The following GCNA variants were observed in gnomAD, a reference collection of about 807,000 sequenced individuals.
The protein encoded by GCNA is germ cell nuclear acidic protein.
In GCNA, 3 loss-of-function variants were observed where a neutral mutation model predicts 38.8. That is an observed-to-expected ratio of 0.08 (90% CI 0.04 to 0.20). The LOEUF (loss-of-function observed/expected upper bound fraction) is 0.20, where lower values mean the gene tolerates loss of function less well. GCNA is among the 10% of genes least tolerant of loss of function. The pLI, the probability that GCNA is intolerant of heterozygous loss-of-function variation, is 1.00. For synonymous variants in GCNA, 195 were observed against 240.2 expected (o/e 0.81, Z 1.74); for missense variants, 446 against 578.6 (o/e 0.77, Z 2.35).
rs1426768448 is a variant in GCNA at position 71,604,010 on chromosome X, C to T, written c.733C>T (p.Pro245Ser). Residue 245 changes from proline to serine, a missense_variant, in exon 8 of 13, where the codon CCC (proline) becomes TCC (serine). This residue lies in a region of GCNA where 28 missense variants were observed against 77.0 expected (regional missense o/e 0.36). Transcript: ENST00000373696. ...PDDSSDDSEA[P>S]DDSSDDSEAP... is the part of the protein sequence containing the mutation. ...CGACAGCAGTGATGATTCGGAAGCT[C>T]CCGACGACAGCAGTGATGATTCGGA... 1.7e-6 allele frequency: 2 copies of T among 1,202,103 alleles called. No individual in the cohort carries two copies. Among genetic ancestry groups the T allele is most frequent in the South Asian group, 1.8e-5 (1 of 56,315 alleles).
At chrX:71,584,490 C>T (rs1247679842) in intron 2 of GCNA, among the ~76,000 whole-genome samples, 2 of 111,195 alleles carry the variant, frequency 1.8e-5, no homozygotes, top group African/African-American at 3.3e-5. Flanking sequence ...TGGGCTCAAG[C>T]GATTTGCCTG....
chrX:71,594,775 G>A lies in GCNA; in HGVS notation c.217G>A (p.Ala73Thr), dbSNP rs777849142. The A allele has an allele frequency of 1.6e-4, 184 of 1,147,657 alleles. No homozygotes were observed. The highest frequency in any genetic ancestry group is 1.5e-4 in the Non-Finnish European group (129 of 867,571). 94.6% of individuals were successfully genotyped at this position (1,147,657 alleles called of 1,213,427 possible). Residue 73 changes from alanine to threonine, a missense_variant, in exon 6 of 13, where the codon GCG becomes ACG. Ala to Thr is a moderately conservative substitution (Grantham distance 58). Transcript: ENST00000373696. ...GGCCAGAAGAGCTCCGAAGAGACAG[G>A]CGAGGTGAGTAGGAGAATTAATGAA... The part of the protein sequence containing the change: ...SVARRAPKRQ[A>T]SSVVVIDSDS...
In GCNA at chrX:71,594,337, C is replaced by T; in HGVS notation, c.147C>T (p.Ile49=). ...ATCTCTTTTATTTTTGCAGTTGCAT[C>T]CTTAATGTCCAGTCAAGGAGTGGTG... ...RRAPKRQASC[I]LNVQSRSGDT... is the part of the protein sequence containing the mutation. The change falls in exon 5 of 13, where the codon ATC becomes ATT. Residue 49 remains isoleucine, a synonymous_variant. Transcript: ENST00000373696. The T allele has an allele frequency of 8.3e-7, 1 of 1,204,903 alleles. No individual in the cohort carries two copies. The highest frequency in any genetic ancestry group is 1.1e-6 in the Non-Finnish European group (1 of 891,071).
chrX:71,604,813 T>A, intron 8 of GCNA, 137 bp downstream of exon 8: 2 of 870,722 alleles, frequency 2.3e-6, no homozygotes, highest in Non-Finnish European at 3.2e-6. Context: ...CAAGGAGGCA[T>A]CCATCCCAGT....
At chrX:71,599,170 C>A (rs1363016237) in intron 7 of GCNA, among the ~76,000 whole-genome samples, 1 of 110,872 alleles carries the variant, frequency 9.0e-6, no homozygotes, top group African/African-American at 3.3e-5. Flanking sequence ...CCAGCTACTT[C>A]TTAGATAACT....
At chrX:71,600,594 G>GT (rs1425706743) in intron 7 of GCNA, among the ~76,000 whole-genome samples, 1 of 111,971 alleles carries the variant, frequency 8.9e-6, no homozygotes. Context: ...ATTGCCACGA[G>GT]TTTGGTTGCT....
At chrX:71,583,587 ATATT>A (rs111392510) in intron 2 of GCNA, among the ~76,000 whole-genome samples, 1,173 of 111,590 alleles carry the variant, frequency 0.011, 20 homozygotes, top group African/African-American at 0.035. Flanking sequence ...CAAATTTTAA[ATATT>A]TAATCATAGT....
intron 2 of GCNA, among the ~76,000 whole-genome samples, chrX:71,588,784 G>A (rs754512989): frequency 9.9e-5 from 11 of 111,260 alleles, no homozygotes; most frequent in Non-Finnish European, 2.1e-4. Flanking sequence ...CCAAGATCGC[G>A]CCACTGCACT....
intron 11 of GCNA, among the ~76,000 whole-genome samples, chrX:71,611,207 A>G (rs1445875719): frequency 2.7e-5 from 3 of 112,121 alleles, no homozygotes; most frequent in African/African-American, 6.5e-5. Flanking sequence ...TTGGTCTCCC[A>G]TATGCCACTA....
intron 6 of GCNA, among the ~76,000 whole-genome samples, chrX:71,597,390 C>G (rs914930045): frequency 9.0e-6 from 1 of 111,388 alleles, no homozygotes; most frequent in African/African-American, 3.3e-5. Flanking sequence ...CCAGGATTAG[C>G]CGAGGATGAG....
chrX:71,609,126 A>G lies in GCNA; in HGVS notation c.1611+9A>G. ...CCGTCTGTGATAAAAAGGTAGGATC[A>G]ATGAATGAGCACTGATTGAGCACCT... is the stretch of plus-strand genomic sequence containing the variant. On this transcript the variant is annotated intron_variant, in intron 10 of 12. Transcript: ENST00000373696. The G allele has an allele frequency of 1.7e-6, 2 of 1,203,263 alleles. No individual in the cohort carries two copies. Among genetic ancestry groups the G allele is most frequent in the African/African-American group, 3.5e-5 (2 of 57,786 alleles).
chrX:71,605,529 TCAGA>T, intron 8 of GCNA, 130 bp from the exon 9 acceptor site: 1 of 476,741 alleles, frequency 2.1e-6, no homozygotes, highest in South Asian at 3.5e-5. Flanking sequence ...GTATGCCACT[TCAGA>T]CAGTTTTGTT....
rs781748302 is a variant in GCNA at position 71,580,869 on chromosome X, G to A, written c.48G>A (p.Glu16=). 1.7e-6 allele frequency: 2 copies of A among 1,198,550 alleles called. No individual in the cohort carries two copies. The highest frequency in any genetic ancestry group is 3.6e-5 in the South Asian group (2 of 54,931). The change falls in exon 2 of 13, where the codon GAG becomes GAA. Residue 16 remains glutamate, a synonymous_variant. Coordinates refer to ENST00000373696, the MANE Select transcript of GCNA (RefSeq NM_052957.5). ...KELPRLQEPE[E]DEDCYILNVQ... ...TGCCCCGCTTGCAAGAGCCGGAGGA[G>A]GACGAGGATTGGTGAGATTTAGAAA... is the stretch of plus-strand genomic sequence containing the variant.
Position 71,580,980 on chromosome X carries a change from G to A in GCNA, c.59+100G>A. 4 of 807,768 alleles carry A rather than the reference G, an allele frequency of 5.0e-6. No homozygotes were observed. The South Asian group carries it at 1.2e-4, about 24-fold the overall frequency. 66.6% of individuals were successfully genotyped at this position (807,768 alleles called of 1,213,427 possible). ...GTTTATTTCCTTTAGTATCTGTAGA[G>A]CGTATAACTTGGTTTGTTATAAAAT... On this transcript the variant is annotated intron_variant, in intron 2 of 12. Coordinates refer to ENST00000373696, the MANE Select transcript of GCNA (RefSeq NM_052957.5).
intron 7 of GCNA, among the ~76,000 whole-genome samples, chrX:71,601,221 G>A (rs2040711839): frequency 1.8e-5 from 2 of 110,418 alleles, no homozygotes; most frequent in East Asian, 2.9e-4. Flanking sequence ...GTGCGTGCCT[G>A]TAGTCCCCGC....
chrX:71,585,130 G>A (rs1317380864), intron 2 of GCNA, among the ~76,000 whole-genome samples: 1 of 109,332 alleles, frequency 9.1e-6, no homozygotes, highest in East Asian at 2.9e-4. Context: ...GGCCAACATG[G>A]TGAAACCCTG....
chrX:71,606,713 C>T (rs1379169722), intron 9 of GCNA, among the ~76,000 whole-genome samples: 4 of 111,962 alleles, frequency 3.6e-5, no homozygotes, highest in Non-Finnish European at 7.5e-5. Context: ...CTGGCTTAGG[C>T]AGCCGGTAGC....
chrX:71,604,105 C>G lies in GCNA; in HGVS notation c.828C>G (p.Asp276Glu), dbSNP rs1179659411. 8.3e-7 allele frequency: 1 copy of G among 1,198,969 alleles called. No individual in the cohort carries two copies. Residue 276 changes from aspartate to glutamate, a missense_variant, in exon 8 of 13, where the codon GAC (aspartate) becomes GAG (glutamate). Transcript: ENST00000373696. ...DDSSDDSEAPDDSSDDSEASD... is the reference protein window; with the variant it reads ...DDSSDDSEAPEDSSDDSEASD... Reference sequence around the variant, plus strand: ...GCAGTGATGATTCGGAAGCTCCCGACGACAGCAGTGATGATTCGGAAGCTT... The same window carrying G: ...GCAGTGATGATTCGGAAGCTCCCGAGGACAGCAGTGATGATTCGGAAGCTT...
chrX:71,580,738 T>C, intron 1 of GCNA, 82 bp from the exon 2 acceptor site: 1 of 944,378 alleles, frequency 1.1e-6, no homozygotes, highest in Non-Finnish European at 1.5e-6. Flanking sequence ...CCTCCCAAAG[T>C]GCTGGGATTA....
Sources: gnomAD v4.1 joint callset for allele counts (sites outside exome capture counted in the v4.1 genomes callset) on GRCh38, gnomAD v4.1.1 for gene constraint, gnomAD v4.1.1 regional missense constraint, MANE v1.5 for transcripts, NCBI Gene and HGNC (gene_info 2026-07-23, HGNC 2026-07-21) for gene names.